Variants in BMPR1B observed in about 807,000 individuals in gnomAD.
The protein encoded by BMPR1B is bone morphogenetic protein receptor type 1B.
BMPR1B carries 12 observed loss-of-function variants against 59.1 expected under a neutral mutation model. The ratio of observed to expected loss-of-function variants is 0.20; its 90% CI spans 0.13 to 0.33. The LOEUF (loss-of-function observed/expected upper bound fraction) is 0.33, where lower values mean the gene tolerates loss of function less well. Ranked by LOEUF, BMPR1B falls within the 10% of genes least tolerant of loss-of-function variation. The pLI, the probability that BMPR1B is intolerant of heterozygous loss-of-function variation, is 1.00. For synonymous variants in BMPR1B, 237 were observed against 207.3 expected, an observed-to-expected ratio of 1.14 and a Z score of -1.23; for missense variants, 550 against 610.9, an observed-to-expected ratio of 0.90 and a Z score of 1.05.
chr4:94,987,514 T>C (rs1258410705), intron 2 of BMPR1B, among the ~76,000 whole-genome samples: 1 of 152,072 alleles, frequency 6.6e-6, no homozygotes, highest in African/African-American at 2.4e-5. Flanking sequence ...AATATTCTCC[T>C]CTCCCATTGA....
chr4:95,049,482 A>G (rs1191342031), intron 3 of BMPR1B, among the ~76,000 whole-genome samples: 1 of 103,858 alleles, frequency 9.6e-6, no homozygotes, highest in Non-Finnish European at 1.8e-5. Context: ...CAGTTCATAT[A>G]TTCCAAACTC....
intron 3 of BMPR1B, among the ~76,000 whole-genome samples, chr4:95,055,867 A>C (rs911846144): frequency 2.6e-5 from 4 of 152,296 alleles, no homozygotes; most frequent in Admixed American, 1.3e-4. Context: ...AAAACATTGG[A>C]ACAGCAAAAT....
intron 8 of BMPR1B, among the ~76,000 whole-genome samples, chr4:95,126,067 CT>C (rs1560673867): frequency 6.6e-6 from 1 of 152,186 alleles, no homozygotes; most frequent in African/African-American, 2.4e-5. Flanking sequence ...TGTTTTACCT[CT>C]GTGACAACTT....
chr4:94,883,075 A>T (rs1256747230), intron 2 of BMPR1B, among the ~76,000 whole-genome samples: 1 of 151,732 alleles, frequency 6.6e-6, no homozygotes, highest in Admixed American at 6.6e-5. Flanking sequence ...CTTTCTACTC[A>T]TCTGCCTTTG....
intron 2 of BMPR1B, among the ~76,000 whole-genome samples, chr4:94,927,631 G>T (rs193059094): frequency 6.6e-6 from 1 of 152,214 alleles, no homozygotes. Context: ...TTCCAGGATA[G>T]CAAGCCTGAA....
At chr4:95,125,265 G>A (rs1401021554) in intron 8 of BMPR1B, 144 bp downstream of exon 8, 1 of 1,058,042 alleles carries the variant, frequency 9.5e-7, no homozygotes, top group Non-Finnish European at 1.4e-6. Context: ...TCAGCTGCAG[G>A]GCTTCCTGAT....
chr4:94,903,009 G>C (rs1342817148), intron 2 of BMPR1B, among the ~76,000 whole-genome samples: 1 of 151,970 alleles, frequency 6.6e-6, no homozygotes, highest in Non-Finnish European at 1.5e-5. Flanking sequence ...CACATAGCAG[G>C]GTGCAGTAAT....
chr4:94,920,005 A>G (rs966765727), intron 2 of BMPR1B, among the ~76,000 whole-genome samples: 1 of 152,124 alleles, frequency 6.6e-6, no homozygotes, highest in Non-Finnish European at 1.5e-5. Flanking sequence ...TTATTGGATT[A>G]TGGTGCCTCT....
At chr4:94,892,097 C>T (rs1727420597) in intron 2 of BMPR1B, among the ~76,000 whole-genome samples, 1 of 152,010 alleles carries the variant, frequency 6.6e-6, no homozygotes, top group Admixed American at 6.6e-5. Flanking sequence ...CTCGTAATTG[C>T]TCGTAGTTTT....
At chr4:94,808,712 A>G (rs1212957407) in intron 1 of BMPR1B, among the ~76,000 whole-genome samples, 3 of 152,144 alleles carry the variant, frequency 2.0e-5, no homozygotes, top group South Asian at 2.1e-4. Flanking sequence ...TTATTTCGCC[A>G]TTGGCCTTTC....
chr4:95,154,598 T>C lies in BMPR1B; in HGVS notation c.1434T>C (p.Pro478=), dbSNP rs144080146. ...TGACAGAATGCTGGGCTCACAATCC[T>C]GCATCAAGGCTGACAGCCCTGCGGG... ...KLMTECWAHN[P]ASRLTALRVK... Residue 478 remains proline (P), a synonymous_variant, in exon 13 of 13, where the codon CCT becomes CCC. Transcript: ENST00000515059. 1.5e-4 allele frequency: 249 copies of C among 1,614,112 alleles called. No individual in the cohort carries two copies. Among genetic ancestry groups the C allele is most frequent in the South Asian group, 2.0e-4 (18 of 91,090 alleles).
intron 3 of BMPR1B, among the ~76,000 whole-genome samples, chr4:95,089,663 A>G (rs1234593275): frequency 6.6e-6 from 1 of 152,112 alleles, no homozygotes; most frequent in Non-Finnish European, 1.5e-5. Flanking sequence ...TGTGTGTGCC[A>G]TGCCCAGATT....
At chr4:94,864,499 A>C (rs1358905060) in intron 1 of BMPR1B, among the ~76,000 whole-genome samples, 2 of 152,162 alleles carry the variant, frequency 1.3e-5, no homozygotes, top group Non-Finnish European at 2.9e-5. Flanking sequence ...CATATGAAGG[A>C]AATGTTTGTT....
intron 6 of BMPR1B, among the ~76,000 whole-genome samples, chr4:95,117,272 C>T (rs1022920827): frequency 6.6e-6 from 1 of 152,188 alleles, no homozygotes; most frequent in Admixed American, 6.5e-5. Context: ...CACAGCAGCC[C>T]TGTGAAGTAC....
At chr4:94,959,177 T>A (rs1730265858) in intron 2 of BMPR1B, among the ~76,000 whole-genome samples, 1 of 152,170 alleles carries the variant, frequency 6.6e-6, no homozygotes, top group Admixed American at 6.6e-5. Context: ...GAAAGAATTT[T>A]GGGATTTTTA....
At chr4:95,032,184 G>A (rs1304118900) in intron 3 of BMPR1B, among the ~76,000 whole-genome samples, 1 of 152,034 alleles carries the variant, frequency 6.6e-6, no homozygotes, top group African/African-American at 2.4e-5. Flanking sequence ...TCTGTTCCTG[G>A]TCCTGGTGAG....
chr4:94,804,003 C>T (rs927539342), intron 1 of BMPR1B, among the ~76,000 whole-genome samples: 12 of 152,150 alleles, frequency 7.9e-5, no homozygotes, highest in East Asian at 1.9e-4. Flanking sequence ...CTCAGCCTCC[C>T]GAGTAGCTGG....
intron 2 of BMPR1B, among the ~76,000 whole-genome samples, chr4:94,944,809 A>G (rs1248121064): frequency 2.0e-5 from 3 of 152,226 alleles, no homozygotes; most frequent in Admixed American, 6.5e-5. Flanking sequence ...CTGTATACCT[A>G]CATTGACTGG....
At chr4:94,979,232 TAAA>T (rs1242242143) in intron 2 of BMPR1B, among the ~76,000 whole-genome samples, 1 of 151,918 alleles carries the variant, frequency 6.6e-6, no homozygotes, top group Non-Finnish European at 1.5e-5. Context: ...TTTGCAAAAA[TAAA>T]AAAATTAAAA....
Sources: gnomAD v4.1 joint callset for allele counts (sites outside exome capture counted in the v4.1 genomes callset) on GRCh38, gnomAD v4.1.1 for gene constraint, MANE v1.5 for transcripts, NCBI Gene and HGNC (gene_info 2026-07-23, HGNC 2026-07-21) for gene names.